MYO1D: variants seen among roughly 807,000 people sequenced by gnomAD.
MYO1D encodes unconventional myosin-Id.
In MYO1D, 83 loss-of-function variants were observed where a neutral mutation model predicts 122.0. The observed-to-expected ratio is 0.68, with a 90% CI of 0.57 to 0.82. MYO1D has a LOEUF of 0.82. Among genes scored for constraint, MYO1D ranks in the 40% least tolerant of loss-of-function variants. The pLI is 0.00. For missense variants in MYO1D, 1,157 were observed against 1,269.5 expected (o/e 0.91, Z 1.35); for synonymous variants, 464 against 446.9 (o/e 1.04, Z -0.48).
At chr17:32,518,594 T>C (rs1224979936) in intron 21 of MYO1D, 2 of 152,270 alleles carry the variant, frequency 1.3e-5, no homozygotes, top group African/African-American at 4.8e-5. Flanking sequence ...TCCCTCCTCA[T>C]GAGCAACCAC....
At position 32,594,814 on chromosome 17, in the gene MYO1D, A is replaced by G. The variant is rs565533539; in HGVS notation, c.2864+10273T>C. Among the ~76,000 whole-genome samples the G allele has an allele frequency of 6.9e-4, 105 of 152,282 alleles. 1 individual carries two copies. The highest frequency in any genetic ancestry group is 2.5e-3 in the African/African-American group (105 of 41,566). On this transcript the variant is annotated intron_variant, in intron 21 of 21. Coordinates refer to ENST00000318217, the MANE Select transcript of MYO1D (RefSeq NM_015194.3). The stretch of plus-strand genomic sequence containing the variant: ...TAAGCTGGAGAGCTGGCTTGTGTGC[A>G]CAGACTCTAGTTGTGGTTGCAAAGT...
chr17:32,562,603 C>A (rs993129992), intron 21 of MYO1D, among the ~76,000 whole-genome samples: 1 of 152,108 alleles, frequency 6.6e-6, no homozygotes, highest in Admixed American at 6.5e-5. Flanking sequence ...CTACCTCAGC[C>A]TCATGAGTAG....
intron 1 of MYO1D, among the ~76,000 whole-genome samples, chr17:32,873,693 G>A (rs72817005): frequency 2.6e-5 from 4 of 152,294 alleles, no homozygotes; most frequent in Admixed American, 1.3e-4. Context: ...CTGGCACTGT[G>A]TTTATGGCTA....
intron 11 of MYO1D, among the ~76,000 whole-genome samples, chr17:32,754,990 A>C (rs946245753): frequency 3.3e-5 from 5 of 152,240 alleles, no homozygotes; most frequent in Non-Finnish European, 7.3e-5. Context: ...TTAATGAATA[A>C]GTTTCTCTGT....
chr17:32,825,683 T>C (rs1310242305), intron 1 of MYO1D, among the ~76,000 whole-genome samples: 2 of 152,190 alleles, frequency 1.3e-5, no homozygotes, highest in Non-Finnish European at 2.9e-5. Flanking sequence ...AGAAGTCGAA[T>C]GCTGCTTCCT....
In MYO1D at chr17:32,711,968, T is replaced by C. The variant is rs1193149226; in HGVS notation, c.2121+20A>G. 7 of 1,575,208 alleles carry C rather than the reference T, an allele frequency of 4.4e-6. No homozygotes were observed. The highest frequency in any genetic ancestry group is 1.4e-5 in the African/African-American group (1 of 72,904). On this transcript the variant is annotated intron_variant, in intron 16 of 21. Coordinates refer to ENST00000318217, the MANE Select transcript of MYO1D (RefSeq NM_015194.3). ...ACTTAAAAGCAAAATCTTATCCTTA[T>C]ATATAAAATATAAAATTACCTTTTG...
At chr17:32,741,239 A>T (rs1020075004) in intron 13 of MYO1D, among the ~76,000 whole-genome samples, 1 of 151,520 alleles carries the variant, frequency 6.6e-6, no homozygotes, top group Non-Finnish European at 1.5e-5. Flanking sequence ...AAAAAAAAAA[A>T]AAGAAAAGAA....
intron 1 of MYO1D, among the ~76,000 whole-genome samples, chr17:32,869,037 C>T (rs1028590518): frequency 6.9e-6 from 1 of 144,034 alleles, no homozygotes; most frequent in African/African-American, 2.7e-5. Flanking sequence ...AGCAAAACCC[C>T]ATCTCTACTA....
intron 10 of MYO1D, among the ~76,000 whole-genome samples, chr17:32,759,133 C>A (rs1004499733): frequency 6.6e-6 from 1 of 152,020 alleles, no homozygotes. Flanking sequence ...CTTAATTGAA[C>A]TGAATTAAAT....
intron 21 of MYO1D, among the ~76,000 whole-genome samples, chr17:32,516,046 G>A (rs763916706): frequency 2.0e-5 from 3 of 152,162 alleles, no homozygotes; most frequent in Non-Finnish European, 4.4e-5. Flanking sequence ...AATATGTTCT[G>A]CACACTTCCT....
At chr17:32,519,670 C>T (rs1480482117) in intron 21 of MYO1D, among the ~76,000 whole-genome samples, 1 of 151,940 alleles carries the variant, frequency 6.6e-6, no homozygotes, top group African/African-American at 2.4e-5. Flanking sequence ...AGCCCGCCTG[C>T]CCGCCCTCCT....
chr17:32,822,425 C>T (rs1392589007), intron 1 of MYO1D, among the ~76,000 whole-genome samples: 4 of 151,642 alleles, frequency 2.6e-5, no homozygotes, highest in Admixed American at 6.6e-5. Flanking sequence ...TCCGTCCGTT[C>T]GTCTTCCTCC....
intron 21 of MYO1D, among the ~76,000 whole-genome samples, chr17:32,564,925 G>GTC (rs2087159000): frequency 6.6e-6 from 1 of 152,176 alleles, no homozygotes; most frequent in Non-Finnish European, 1.5e-5. Context: ...ACGTTAAACA[G>GTC]TCCATCACCC....
intron 7 of MYO1D, 87 bp downstream of exon 7, chr17:32,767,549 A>T: frequency 1.2e-6 from 1 of 836,004 alleles, no homozygotes; most frequent in African/African-American, 1.7e-5. Context: ...AATACTTTTT[A>T]AATCTACAGG....
chr17:32,527,566 G>A lies in MYO1D; in HGVS notation c.2865-32651C>T, dbSNP rs528912034. On this transcript the variant is annotated intron_variant, in intron 21 of 21. Transcript: ENST00000318217. ...CTAGCACTTTGGAAGGCTGAGATGG[G>A]AGGATCGCTTGAGCCCAGGAGTTTC... 1.7e-4 allele frequency among the ~76,000 whole-genome samples: 26 copies of A among 152,330 alleles called. No homozygotes were observed. In the South Asian group the frequency reaches 4.8e-3, roughly 28 times the overall value.
At chr17:32,692,946 G>A (rs906219676) in intron 16 of MYO1D, among the ~76,000 whole-genome samples, 7 of 152,122 alleles carry the variant, frequency 4.6e-5, no homozygotes, top group Non-Finnish European at 8.8e-5. Flanking sequence ...TGTTGGCAAG[G>A]AAGAAAAAAA....
chr17:32,586,358 T>TG (rs2087387108), intron 21 of MYO1D, among the ~76,000 whole-genome samples: 1 of 152,246 alleles, frequency 6.6e-6, no homozygotes, highest in South Asian at 2.1e-4. Context: ...TCTAGCATCT[T>TG]GGGGACAGAA....
intron 20 of MYO1D, among the ~76,000 whole-genome samples, chr17:32,635,177 T>C (rs1018705695): frequency 1.3e-5 from 2 of 152,196 alleles, no homozygotes; most frequent in Admixed American, 1.3e-4. Context: ...ACTCAGACCT[T>C]AGCCTAAAGC....
intron 21 of MYO1D, among the ~76,000 whole-genome samples, chr17:32,554,969 G>A (rs1394698427): frequency 1.3e-5 from 2 of 152,108 alleles, no homozygotes; most frequent in Non-Finnish European, 2.9e-5. Context: ...CTTTTAGGAA[G>A]CTAATCTAGA....
Sources: allele counts gnomAD v4.1 joint callset (sites outside exome capture counted in the v4.1 genomes callset), GRCh38; gene constraint gnomAD v4.1.1; transcripts MANE v1.5; gene names NCBI Gene and HGNC (gene_info 2026-07-23, HGNC 2026-07-21).